The following SEMA5A variants were observed in gnomAD, a reference collection of about 807,000 sequenced individuals.
SEMA5A encodes semaphorin 5A.
SEMA5A carries 55 observed loss-of-function variants against 135.5 expected under a neutral mutation model. That is an observed-to-expected ratio of 0.41 (90% confidence interval 0.33 to 0.51). SEMA5A has a LOEUF of 0.51. Among genes scored for constraint, SEMA5A ranks in the 20% least tolerant of loss-of-function variants. The probability of loss-of-function intolerance (pLI) is 0.37; values close to 1 mark genes in which losing one functional copy is unlikely to be tolerated. For synonymous variants in SEMA5A, 580 were observed against 546.5 expected (o/e 1.06, Z -0.85); for missense variants, 1,290 against 1,419.9 (o/e 0.91, Z 1.47).
chr5:9,245,522 G>GA (rs1390539574), intron 5 of SEMA5A, among the ~76,000 whole-genome samples: 10 of 151,874 alleles, frequency 6.6e-5, no homozygotes, highest in African/African-American at 1.7e-4. Flanking sequence ...GCCTGCTTTT[G>GA]AAAAAAACAC....
At chr5:9,244,224 C>A (rs893795042) in intron 5 of SEMA5A, among the ~76,000 whole-genome samples, 1 of 152,226 alleles carries the variant, frequency 6.6e-6, no homozygotes, top group African/African-American at 2.4e-5. Flanking sequence ...AAAATTCAGT[C>A]TGAAGACCCA....
chr5:9,116,982 G>C (rs966368012), intron 15 of SEMA5A, among the ~76,000 whole-genome samples: 3 of 152,150 alleles, frequency 2.0e-5, no homozygotes, highest in Admixed American at 6.5e-5. Flanking sequence ...CTATTCAATA[G>C]AAAAGCTTAA....
At chr5:9,438,245 T>G (rs1300850017) in intron 1 of SEMA5A, among the ~76,000 whole-genome samples, 1 of 152,070 alleles carries the variant, frequency 6.6e-6, no homozygotes, top group Non-Finnish European at 1.5e-5. Flanking sequence ...TTCCACTTTT[T>G]GGAACACATG....
chr5:9,292,099 C>G (rs1019397790), intron 5 of SEMA5A, among the ~76,000 whole-genome samples: 1 of 151,506 alleles, frequency 6.6e-6, no homozygotes, highest in Non-Finnish European at 1.5e-5. Flanking sequence ...GAAGCAGAAG[C>G]AACAGTGGCG....
intron 22 of SEMA5A, among the ~76,000 whole-genome samples, chr5:9,043,470 G>T (rs1191796189): frequency 6.6e-6 from 1 of 152,172 alleles, no homozygotes; most frequent in African/African-American, 2.4e-5. Context: ...ATTTAAGTAA[G>T]GGCCTCAGGT....
intron 8 of SEMA5A, among the ~76,000 whole-genome samples, chr5:9,221,545 G>A (rs544418117): frequency 5.4e-4 from 82 of 151,290 alleles, no homozygotes; most frequent in South Asian, 1.9e-3. Context: ...CTCGTGATCC[G>A]CCCGCCTCGG....
At chr5:9,501,501 G>A (rs1350464344) in intron 1 of SEMA5A, among the ~76,000 whole-genome samples, 4 of 152,252 alleles carry the variant, frequency 2.6e-5, no homozygotes, top group Middle Eastern at 3.4e-3. Context: ...AGCATTAAGT[G>A]GGCAAAGGAA....
intron 16 of SEMA5A, among the ~76,000 whole-genome samples, chr5:9,096,443 C>T (rs1251621525): frequency 4.6e-5 from 7 of 152,044 alleles, no homozygotes; most frequent in Non-Finnish European, 1.0e-4. Flanking sequence ...TGAGATAATG[C>T]ACTATTTCTC....
intron 1 of SEMA5A, among the ~76,000 whole-genome samples, chr5:9,524,854 G>C (rs562896011): frequency 6.6e-6 from 1 of 152,200 alleles, no homozygotes; most frequent in South Asian, 2.1e-4. Flanking sequence ...TTGAGTGAGG[G>C]TCCTGCCTCA....
chr5:9,100,811 T>C (rs1052937408), intron 16 of SEMA5A, among the ~76,000 whole-genome samples: 1 of 152,166 alleles, frequency 6.6e-6, no homozygotes, highest in African/African-American at 2.4e-5. Context: ...TGAGTTTTTA[T>C]GCACTCAGTT....
intron 15 of SEMA5A, among the ~76,000 whole-genome samples, chr5:9,114,601 G>A (rs1000659991): frequency 1.3e-5 from 2 of 152,134 alleles, no homozygotes; most frequent in African/African-American, 4.8e-5. Flanking sequence ...TAATATGAAA[G>A]GCAAAACACA....
intron 16 of SEMA5A, 151 bp from the exon 17 acceptor site, chr5:9,066,797 G>A: frequency 1.6e-6 from 1 of 635,668 alleles, no homozygotes; most frequent in Non-Finnish European, 2.7e-6. Context: ...ACACATTTAT[G>A]TTAAATTAGG....
At chr5:9,499,817 CA>C (rs1278303491) in intron 1 of SEMA5A, among the ~76,000 whole-genome samples, 1 of 152,050 alleles carries the variant, frequency 6.6e-6, no homozygotes, top group East Asian at 1.9e-4. Context: ...CCACTAATAA[CA>C]AAAACCAAAC....
At chr5:9,116,023 G>A (rs879337557) in intron 15 of SEMA5A, among the ~76,000 whole-genome samples, 1 of 152,202 alleles carries the variant, frequency 6.6e-6, no homozygotes, top group Non-Finnish European at 1.5e-5. Context: ...TAACAACTAT[G>A]TAAGGAATTG....
rs1291334324 is a variant in SEMA5A at position 9,051,899 on chromosome 5, C to T, written c.2819G>A (p.Cys940Tyr). 5.6e-6 allele frequency: 9 copies of T among 1,614,042 alleles called. No homozygotes were observed. The highest frequency in any genetic ancestry group is 5.9e-6 in the Non-Finnish European group (7 of 1,180,046). ...CSGNTTESRP[C>Y]VFDSNFIPEV... is the part of the protein sequence containing the mutation. Reference sequence around the variant, plus strand: ...TGGGATGAAATTAGAGTCAAACACACACGGCCGGCTCTCCGTGGTGTTCCC... The same window carrying T: ...TGGGATGAAATTAGAGTCAAACACATACGGCCGGCTCTCCGTGGTGTTCCC... The change falls in exon 20 of 23, where the codon TGT (cysteine) becomes TAT (tyrosine). Residue 940 changes from cysteine (C) to tyrosine (Y), a missense_variant. By Grantham distance (194) the Cys-to-Tyr change is radical. Transcript: ENST00000382496.
chr5:9,099,367 A>C (rs1224396300), intron 16 of SEMA5A, among the ~76,000 whole-genome samples: 1 of 152,224 alleles, frequency 6.6e-6, no homozygotes. Context: ...GAGATATTTT[A>C]TTAAAAAAAA....
Position 9,118,991 on chromosome 5 carries a change from C to T in SEMA5A, c.1925+7G>A. 3.1e-6 allele frequency: 5 copies of T among 1,612,252 alleles called. No homozygotes were observed. The highest frequency in any genetic ancestry group is 3.4e-6 in the Non-Finnish European group (4 of 1,179,366). On this transcript the variant is annotated splice_region_variant and intron_variant, in intron 15 of 22. Transcript: ENST00000382496. ...CTGGCGGTGCTGGCAGCAGGGTGGG[C>T]ACGTACCTTTCCTCGCGGTTCTGTC...
At chr5:9,410,952 G>T (rs1757086212) in intron 2 of SEMA5A, among the ~76,000 whole-genome samples, 1 of 146,570 alleles carries the variant, frequency 6.8e-6, no homozygotes. Flanking sequence ...TTATTCTTGA[G>T]TTATAGCAAA....
intron 5 of SEMA5A, among the ~76,000 whole-genome samples, chr5:9,241,267 CATTA>C (rs968673077): frequency 3.4e-4 from 52 of 152,074 alleles, no homozygotes; most frequent in Middle Eastern, 6.8e-3. Context: ...TATGCAAATA[CATTA>C]ATTATCTCCT....
Sources: allele counts gnomAD v4.1 joint callset (sites outside exome capture counted in the v4.1 genomes callset), GRCh38; gene constraint gnomAD v4.1.1; transcripts MANE v1.5; gene names NCBI Gene and HGNC (gene_info 2026-07-23, HGNC 2026-07-21).